TM9SF3: variants seen among roughly 807,000 people sequenced by gnomAD.
TM9SF3 encodes SM-11044-binding protein.
TM9SF3 carries 14 observed loss-of-function variants against 78.6 expected under a neutral mutation model. The ratio of observed to expected loss-of-function variants is 0.18; its 90% confidence interval spans 0.12 to 0.28. TM9SF3 has a LOEUF of 0.28. Ranked by LOEUF, TM9SF3 falls within the 10% of genes least tolerant of loss-of-function variation. The pLI is 1.00. For missense variants in TM9SF3, 496 were observed against 721.9 expected, an observed-to-expected ratio of 0.69 and a Z score of 3.59; for synonymous variants, 231 against 241.7, an observed-to-expected ratio of 0.96 and a Z score of 0.41.
chr10:96,560,684 T>TGAC lies in TM9SF3; in HGVS notation c.583-951_583-949dup, dbSNP rs373567178. ...CTGATGAAGATGATGATGATGATGA[T>TGAC]GACGATTTTGATGAGGAAACTAAAG... On this transcript the variant is annotated intron_variant, in intron 4 of 14. Transcript: ENST00000371142. 217 of 591,154 alleles carry TGAC rather than the reference T, an allele frequency of 3.7e-4. 4 individuals are homozygous for TGAC. The highest frequency in any genetic ancestry group is 2.5e-3 in the South Asian group (174 of 70,946). 36.6% of individuals were successfully genotyped at this position (591,154 alleles called of 1,614,324 possible).
intron 5 of TM9SF3, 71 bp downstream of exon 5, chr10:96,559,588 G>T: frequency 9.0e-7 from 1 of 1,111,354 alleles, no homozygotes; most frequent in South Asian, 1.6e-5. Flanking sequence ...CCCTGCAAAT[G>T]ACAGATACTC....
chr10:96,540,885 C>T, intron 9 of TM9SF3, among the ~76,000 whole-genome samples: 1 of 137,816 alleles, frequency 7.3e-6, no homozygotes. Flanking sequence ...TCAAGCGATT[C>T]TCCTGCCTCA....
At position 96,559,660 on chromosome 10, in the gene TM9SF3, C is replaced by A; in HGVS notation, c.659G>T (p.Arg220Leu). ...TCTTAAAATACACTATTTACCTACC[C>A]GATGTTGAAAAAAGGACGGATCAAG... ...KYLDPSFFQH[R>L]IHWFSIFNSF... Residue 220 changes from arginine to leucine, a missense_variant and splice_region_variant, in exon 5 of 15, where the codon CGG (arginine) becomes CTG (leucine). By Grantham distance (102) the Arg-to-Leu change is moderately radical. Around this residue, in one of 4 missense-constraint regions of TM9SF3, gnomAD observed 155 missense variants for 241.6 expected, o/e 0.64. Transcript: ENST00000371142. The A allele has an allele frequency of 6.3e-7, 1 of 1,584,162 alleles. No homozygotes were observed.
intron 9 of TM9SF3, among the ~76,000 whole-genome samples, chr10:96,543,290 A>G (rs1442821802): frequency 6.6e-6 from 1 of 151,944 alleles, no homozygotes; most frequent in Non-Finnish European, 1.5e-5. Context: ...ATATGCAAAC[A>G]CATTTTAACA....
At chr10:96,583,308 G>T (rs1258389752) in intron 1 of TM9SF3, among the ~76,000 whole-genome samples, 1 of 152,098 alleles carries the variant, frequency 6.6e-6, no homozygotes, top group Non-Finnish European at 1.5e-5. Context: ...ACTTCAAGAT[G>T]TTACAGGATA....
At chr10:96,522,446 TTA>T (rs1431097736) in intron 14 of TM9SF3, 116 bp from the exon 15 acceptor site, 1 of 782,214 alleles carries the variant, frequency 1.3e-6, no homozygotes, top group African/African-American at 1.9e-5. Context: ...GAAAATATCC[TTA>T]TGTTAGTATT....
chr10:96,576,539 A>T, intron 2 of TM9SF3, 95 bp downstream of exon 2: 1 of 1,196,900 alleles, frequency 8.4e-7, no homozygotes, highest in Non-Finnish European at 1.2e-6. Context: ...TCCATACAAC[A>T]AAGAATTATC....
Position 96,549,816 on chromosome 10 carries a change from T to TAAAAAAAAAAAAAAAAAAAAAAAAA in TM9SF3, c.959+1428_959+1429insTTTTTTTTTTTTTTTTTTTTTTTTT, listed in dbSNP as rs370197060. 2.5e-5 allele frequency among the ~76,000 whole-genome samples: 3 copies of TAAAAAAAAAAAAAAAAAAAAAAAAA among 121,820 alleles called. 1 individual carries two copies. The highest frequency in any genetic ancestry group is 3.4e-5 in the Non-Finnish European group (2 of 59,038). 79.9% of individuals were successfully genotyped at this position (121,820 alleles called of 152,430 possible). Reference sequence around the variant, plus strand: ...CTTTAAGTAGAAGAGCTTCTGCATTTTAAAAAAAAAAAAAAAAAAAGAGCT... The same window carrying TAAAAAAAAAAAAAAAAAAAAAAAAA: ...CTTTAAGTAGAAGAGCTTCTGCATTTAAAAAAAAAAAAAAAAAAAAAAAAATAAAAAAAAAAAAAAAAAAAGAGCT... On this transcript the variant is annotated intron_variant, in intron 7 of 14. Transcript: ENST00000371142.
At chr10:96,556,608 C>T (rs1360548043) in intron 5 of TM9SF3, among the ~76,000 whole-genome samples, 1 of 152,070 alleles carries the variant, frequency 6.6e-6, no homozygotes, top group Non-Finnish European at 1.5e-5. Context: ...GTTTTGCAAT[C>T]TCCACTGAAC....
chr10:96,546,101 A>G (rs1848095958), intron 8 of TM9SF3, among the ~76,000 whole-genome samples: 1 of 152,184 alleles, frequency 6.6e-6, no homozygotes, highest in African/African-American at 2.4e-5. Context: ...AACTAGATCT[A>G]CAGCATTATA....
intron 1 of TM9SF3, among the ~76,000 whole-genome samples, chr10:96,580,009 C>T (rs928353544): frequency 2.0e-5 from 3 of 152,192 alleles, no homozygotes; most frequent in African/African-American, 7.2e-5. Context: ...GAAGAGAGTG[C>T]TAGGCCCAGA....
chr10:96,536,094 G>C (rs1318468033), intron 9 of TM9SF3, among the ~76,000 whole-genome samples: 1 of 151,948 alleles, frequency 6.6e-6, no homozygotes, highest in East Asian at 1.9e-4. Context: ...GCTGTTCTAA[G>C]ATCGAACACC....
intron 10 of TM9SF3, among the ~76,000 whole-genome samples, chr10:96,531,685 T>G (rs1245674236): frequency 6.6e-6 from 1 of 152,122 alleles, no homozygotes; most frequent in African/African-American, 2.4e-5. Context: ...TATTCAGATT[T>G]AGGTTCCCAG....
At chr10:96,529,093 A>G (rs1401351516) in intron 11 of TM9SF3, among the ~76,000 whole-genome samples, 1 of 152,148 alleles carries the variant, frequency 6.6e-6, no homozygotes, top group East Asian at 1.9e-4. Flanking sequence ...ACAGGGGTAG[A>G]AGGGAAAAAG....
At chr10:96,523,600 C>T (rs1399331847) in intron 14 of TM9SF3, among the ~76,000 whole-genome samples, 1 of 151,898 alleles carries the variant, frequency 6.6e-6, no homozygotes, top group African/African-American at 2.4e-5. Flanking sequence ...AAATTATGTG[C>T]TTTCCTGATA....
At chr10:96,548,187 C>T (rs144952669) in intron 7 of TM9SF3, among the ~76,000 whole-genome samples, 198 bp from the exon 8 acceptor site, 1,966 of 152,196 alleles carry the variant, frequency 0.013, 32 homozygotes, top group Non-Finnish European at 0.016. Context: ...TTACATGATA[C>T]CTGGCTGATC....
In TM9SF3 at chr10:96,584,121, C is replaced by T. The variant is rs564715148; in HGVS notation, c.102+2613G>A. On this transcript the variant is annotated intron_variant, in intron 1 of 14. Coordinates refer to ENST00000371142, the MANE Select transcript of TM9SF3 (RefSeq NM_020123.4). ...ATACTAGGTATTATCTGGAAACAATCTTCACAGGCAATTAACCTAAAAGGC... is the reference window on the plus strand; with the variant it reads ...ATACTAGGTATTATCTGGAAACAATTTTCACAGGCAATTAACCTAAAAGGC... 3.9e-5 allele frequency among the ~76,000 whole-genome samples: 6 copies of T among 152,284 alleles called. No individual in the cohort carries two copies. In the East Asian group the frequency reaches 9.6e-4, roughly 24 times the overall value.
chr10:96,573,293 C>A lies in TM9SF3; in HGVS notation c.298+3341G>T, dbSNP rs116774375. 2.8e-3 allele frequency among the ~76,000 whole-genome samples: 430 copies of A among 152,284 alleles called. 1 individual carries two copies. The highest frequency in any genetic ancestry group is 9.5e-3 in the African/African-American group (393 of 41,544). ...TTCTGGGAGAGGGAATTGGATGACA[C>A]AATCTCTAAGGTGCATCCTATTTTT... On this transcript the variant is annotated intron_variant, in intron 2 of 14. Coordinates refer to ENST00000371142, the MANE Select transcript of TM9SF3 (RefSeq NM_020123.4).
At chr10:96,578,629 T>A (rs1848524566) in intron 1 of TM9SF3, among the ~76,000 whole-genome samples, 1 of 152,212 alleles carries the variant, frequency 6.6e-6, no homozygotes, top group Admixed American at 6.5e-5. Flanking sequence ...CAAATATATG[T>A]ATGCCCCCAC....
Sources: allele counts gnomAD v4.1 joint callset (sites outside exome capture counted in the v4.1 genomes callset), GRCh38; gene constraint gnomAD v4.1.1; regional missense constraint gnomAD v4.1.1; transcripts MANE v1.5; gene names NCBI Gene and HGNC (gene_info 2026-07-23, HGNC 2026-07-21).